The following RAD51B variants were observed in gnomAD, a reference collection of about 807,000 sequenced individuals.
RAD51B encodes RAD51 paralog B.
In RAD51B, 38 loss-of-function variants were observed where a neutral mutation model predicts 42.2. The observed-to-expected ratio is 0.90, with a 90% CI of 0.70 to 1.18. The LOEUF is 1.18. RAD51B is among the 50% of genes most tolerant of loss of function. The probability of loss-of-function intolerance (pLI) is 0.00; values close to 1 mark genes in which losing one functional copy is unlikely to be tolerated. For synonymous variants in RAD51B, 154 were observed against 145.2 expected, an observed-to-expected ratio of 1.06 and a Z score of -0.43; for missense variants, 373 against 400.7, an observed-to-expected ratio of 0.93 and a Z score of 0.59.
chr14:68,141,666 TG>T (rs2078131238), intron 7 of RAD51B, among the ~76,000 whole-genome samples: 2 of 152,216 alleles, frequency 1.3e-5, no homozygotes, highest in Non-Finnish European at 1.5e-5. Context: ...ATATTCAGTA[TG>T]TTTGGTACTC....
At chr14:68,071,753 G>A (rs1443228593) in intron 7 of RAD51B, among the ~76,000 whole-genome samples, 1 of 151,736 alleles carries the variant, frequency 6.6e-6, no homozygotes, top group African/African-American at 2.4e-5. Flanking sequence ...TCCAGGTATT[G>A]GTATTAGGAT....
chr14:68,391,177 T>TCTTC (rs2083747233), intron 8 of RAD51B, among the ~76,000 whole-genome samples: 1 of 150,400 alleles, frequency 6.6e-6, no homozygotes, highest in African/African-American at 2.5e-5. Context: ...TTTCTTTCTT[T>TCTTC]CTTTCTTCTT....
At chr14:68,194,188 A>G (rs1055993109) in intron 7 of RAD51B, among the ~76,000 whole-genome samples, 8 of 152,232 alleles carry the variant, frequency 5.3e-5, no homozygotes, top group African/African-American at 1.9e-4. Context: ...AGAAGAGGCA[A>G]TTGCTATTTT....
At chr14:68,623,813 T>G (rs549766614) in intron 10 of RAD51B, among the ~76,000 whole-genome samples, 1 of 152,378 alleles carries the variant, frequency 6.6e-6, no homozygotes, top group South Asian at 2.1e-4. Flanking sequence ...TGTTTTATTT[T>G]TCTATGTCTT....
intron 7 of RAD51B, among the ~76,000 whole-genome samples, chr14:68,186,671 T>C (rs1282534663): frequency 6.6e-6 from 1 of 152,106 alleles, no homozygotes; most frequent in Non-Finnish European, 1.5e-5. Flanking sequence ...TGAGATACCA[T>C]CTTACACCAG....
chr14:68,193,446 T>C (rs2079307026), intron 7 of RAD51B, among the ~76,000 whole-genome samples: 1 of 152,168 alleles, frequency 6.6e-6, no homozygotes, highest in African/African-American at 2.4e-5. Flanking sequence ...AGCCTCCAGA[T>C]AATTGGCTTG....
chr14:68,329,809 G>T (rs1468714511), intron 8 of RAD51B, among the ~76,000 whole-genome samples: 1 of 151,924 alleles, frequency 6.6e-6, no homozygotes, highest in Non-Finnish European at 1.5e-5. Flanking sequence ...GTGAAACCCC[G>T]TCTCTACTAA....
intron 7 of RAD51B, among the ~76,000 whole-genome samples, chr14:67,917,864 C>T (rs1436664536): frequency 6.6e-6 from 1 of 151,960 alleles, no homozygotes; most frequent in Non-Finnish European, 1.5e-5. Flanking sequence ...GGCATTCTTG[C>T]AGAGATAATG....
In RAD51B at chr14:68,625,843, C is replaced by CCAGGGGT. The variant is rs1208510095; in HGVS notation, c.1037-24938_1037-24937insCAGGGGT. ...TTAGCTCTTCTTTGGGTTTCCAGGG[C>CCAGGGGT]TGCCCCGCAAGAAGCAAATCTAAGC... On this transcript the variant is annotated intron_variant, in intron 10 of 11. Coordinates refer to the RAD51B transcript ENST00000488612. 2.6e-4 allele frequency among the ~76,000 whole-genome samples: 40 copies of CCAGGGGT among 152,284 alleles called. 1 individual carries two copies. The highest frequency in any genetic ancestry group is 8.9e-4 in the African/African-American group (37 of 41,558).
intron 10 of RAD51B, among the ~76,000 whole-genome samples, chr14:68,587,686 T>C (rs2140071376): frequency 6.6e-6 from 1 of 151,966 alleles, no homozygotes; most frequent in South Asian, 2.1e-4. Context: ...CCTCCACAGC[T>C]TCTGAGCTGC....
chr14:68,101,477 C>T (rs1339425488), intron 7 of RAD51B, among the ~76,000 whole-genome samples: 2 of 152,190 alleles, frequency 1.3e-5, no homozygotes, highest in African/African-American at 4.8e-5. Context: ...TACACCCATT[C>T]CAGATGGGAG....
At chr14:68,088,802 T>C (rs920483482) in intron 7 of RAD51B, among the ~76,000 whole-genome samples, 1 of 152,128 alleles carries the variant, frequency 6.6e-6, no homozygotes, top group African/African-American at 2.4e-5. Context: ...AGTTGCTGTA[T>C]GGGCGTAACT....
rs182488877 is a variant in RAD51B at position 68,365,721 on chromosome 14, A to G, written c.854-45703A>G. On this transcript the variant is annotated intron_variant, in intron 8 of 10. Transcript: ENST00000471583. Reference sequence around the variant, plus strand: ...GTATGTATCAGAAAAATTCATCTGTATAAACTGTATGGCAGTCTAAATTAT... The same window carrying G: ...GTATGTATCAGAAAAATTCATCTGTGTAAACTGTATGGCAGTCTAAATTAT... 7.2e-5 allele frequency among the ~76,000 whole-genome samples: 11 copies of G among 152,348 alleles called. No individual in the cohort carries two copies. The East Asian group carries it at 7.7e-4, about 11-fold the overall frequency.
intron 8 of RAD51B, among the ~76,000 whole-genome samples, chr14:68,364,492 C>A (rs2083099636): frequency 6.6e-6 from 1 of 152,208 alleles, no homozygotes. Flanking sequence ...TGGAGGACCG[C>A]CGGGCGCGGT....
At chr14:68,173,208 G>A (rs979713508) in intron 7 of RAD51B, among the ~76,000 whole-genome samples, 3 of 152,174 alleles carry the variant, frequency 2.0e-5, no homozygotes, top group African/African-American at 7.2e-5. Context: ...TGGAGGTATT[G>A]TTTTGTTTCT....
intron 10 of RAD51B, among the ~76,000 whole-genome samples, chr14:68,473,395 G>T (rs1353510092): frequency 2.6e-5 from 4 of 152,206 alleles, no homozygotes; most frequent in Non-Finnish European, 5.9e-5. Context: ...TGCTGCTTCT[G>T]CCTGCCTCTT....
intron 8 of RAD51B, among the ~76,000 whole-genome samples, chr14:68,369,916 T>C (rs991204079): frequency 2.0e-5 from 3 of 152,216 alleles, no homozygotes; most frequent in African/African-American, 4.8e-5. Flanking sequence ...GATGATTCTC[T>C]CACAGGATAT....
chr14:68,162,678 G>A (rs1349270653), intron 7 of RAD51B, among the ~76,000 whole-genome samples: 4 of 152,064 alleles, frequency 2.6e-5, no homozygotes, highest in Admixed American at 2.6e-4. Context: ...CCAGCTACTC[G>A]GGAGGCTGAG....
At chr14:67,993,663 A>G (rs1444893617) in intron 7 of RAD51B, among the ~76,000 whole-genome samples, 1 of 150,402 alleles carries the variant, frequency 6.6e-6, no homozygotes, top group African/African-American at 2.5e-5. Flanking sequence ...ATGGGAGTGC[A>G]GATATCTCTT....
Sources: allele counts gnomAD v4.1 joint callset (sites outside exome capture counted in the v4.1 genomes callset), GRCh38; gene constraint gnomAD v4.1.1; transcripts MANE v1.5; gene names NCBI Gene and HGNC (gene_info 2026-07-23, HGNC 2026-07-21).